The following MYH14 variants were observed in gnomAD, a reference collection of about 807,000 sequenced individuals.
The protein encoded by MYH14 is myosin-14.
A neutral mutation model predicts 255.5 loss-of-function variants in MYH14; 123 were observed. That is an observed-to-expected ratio of 0.48 (90% CI 0.42 to 0.56). The LOEUF is 0.56. Among genes scored for constraint, MYH14 ranks in the 20% least tolerant of loss-of-function variants. MYH14 has a pLI of 0.00. For synonymous variants in MYH14, 1,095 were observed against 1,161.2 expected (o/e 0.94, Z 1.16); for missense variants, 2,423 against 2,802.3 (o/e 0.86, Z 3.06).
intron 24 of MYH14, among the ~76,000 whole-genome samples, chr19:50,269,798 C>T (rs1345538226): frequency 6.6e-6 from 1 of 152,124 alleles, no homozygotes; most frequent in Non-Finnish European, 1.5e-5. Flanking sequence ...AGGCACTGTG[C>T]CTGGTCCCCA....
At chr19:50,272,790 G>T (rs2035360141) in intron 27 of MYH14, 59 bp downstream of exon 27, 9 of 1,516,760 alleles carry the variant, frequency 5.9e-6, no homozygotes, top group South Asian at 1.2e-5. Context: ...CAGCCAGCGT[G>T]GGGTGCCCAA....
At chr19:50,306,358 C>G (rs962940893) in intron 40 of MYH14, among the ~76,000 whole-genome samples, 3 of 152,182 alleles carry the variant, frequency 2.0e-5, no homozygotes, top group African/African-American at 7.2e-5. Context: ...CTGTGCCTTC[C>G]TCTCAGCACA....
At chr19:50,217,475 C>A in intron 2 of MYH14, 140 bp from the exon 3 acceptor site, 2 of 995,164 alleles carry the variant, frequency 2.0e-6, no homozygotes, top group Non-Finnish European at 3.2e-6. Flanking sequence ...AACAAACATT[C>A]AAATCTACAT....
At chr19:50,217,945 G>C (rs2032579039) in intron 3 of MYH14, among the ~76,000 whole-genome samples, 174 bp downstream of exon 3, 1 of 152,148 alleles carries the variant, frequency 6.6e-6, no homozygotes, top group Non-Finnish European at 1.5e-5. Context: ...GAGGTGCTAG[G>C]TCCTAGAGTC....
At chr19:50,247,649 T>G (rs1239428597) in intron 12 of MYH14, among the ~76,000 whole-genome samples, 1 of 151,994 alleles carries the variant, frequency 6.6e-6, no homozygotes, top group Non-Finnish European at 1.5e-5. Context: ...GTCAGGAAAG[T>G]CCTCTCTAAG....
intron 10 of MYH14, among the ~76,000 whole-genome samples, chr19:50,237,848 T>C (rs2033729402): frequency 6.6e-6 from 1 of 152,198 alleles, no homozygotes. Flanking sequence ...AGTCACCTTT[T>C]CACAGACTTT....
At chr19:50,245,126 T>C (rs1186939551) in intron 11 of MYH14, among the ~76,000 whole-genome samples, 1 of 151,364 alleles carries the variant, frequency 6.6e-6, no homozygotes, top group Non-Finnish European at 1.5e-5. Flanking sequence ...GACAGAAAAG[T>C]AGAAAGGAAG....
At position 50,278,154 on chromosome 19, in the gene MYH14, C is replaced by T; in HGVS notation, c.3897C>T (p.Ser1299=). ...AEVSELRAEL[S]SLQTARQEGE... Reference sequence around the variant, plus strand: ...TGTCCGAGCTGCGGGCAGAACTGAGCAGCCTGCAGACTGCACGTCAGGAGG... The same window carrying T: ...TGTCCGAGCTGCGGGCAGAACTGAGTAGCCTGCAGACTGCACGTCAGGAGG... Residue 1299 remains serine, a synonymous_variant, in exon 30 of 43, where the codon AGC becomes AGT. Transcript: ENST00000642316. The T allele has an allele frequency of 6.2e-7, 1 of 1,610,986 alleles. No homozygotes were observed.
rs779431768 is a variant in MYH14, at chr19:50,281,856, G to T, written c.4539+14G>T. 8.1e-6 allele frequency: 13 copies of T among 1,604,988 alleles called. No individual in the cohort carries two copies. The highest frequency in any genetic ancestry group is 1.1e-5 in the South Asian group (1 of 90,832). ...AAGTTTGACCAGGTGGGGCACCTCA[G>T]TTCACCCAGCCGGGGAATCAGCAAG... On this transcript the variant is annotated intron_variant, in intron 33 of 42. Coordinates refer to ENST00000642316, the MANE Select transcript of MYH14 (RefSeq NM_001145809.2).
At chr19:50,260,770 AGTGTGCGTGCAT>A (rs369184599) in intron 20 of MYH14, 55 bp downstream of exon 20, 54 of 1,253,552 alleles carry the variant, frequency 4.3e-5, no homozygotes, top group Admixed American at 6.0e-5. Flanking sequence ...TGCGTGCATG[AGTGTGCGTGCAT>A]GTGTGTGTGC....
At chr19:50,216,980 T>G (rs1414964355) in intron 2 of MYH14, among the ~76,000 whole-genome samples, 1 of 151,248 alleles carries the variant, frequency 6.6e-6, no homozygotes, top group Non-Finnish European at 1.5e-5. Flanking sequence ...GCTAATTTTT[T>G]TTGTACTTTT....
chr19:50,309,253 G>T, intron 42 of MYH14, 76 bp downstream of exon 42: 2 of 1,426,732 alleles, frequency 1.4e-6, no homozygotes, highest in Non-Finnish European at 2.0e-6. Context: ...GCGAGGCCGT[G>T]CCAGGGGCAA....
intron 27 of MYH14, 111 bp downstream of exon 27, chr19:50,272,842 C>A: frequency 9.4e-7 from 1 of 1,063,096 alleles, no homozygotes; most frequent in Non-Finnish European, 1.4e-6. Flanking sequence ...AGCCACTCAC[C>A]AGCCACAGAC....
intron 24 of MYH14, among the ~76,000 whole-genome samples, chr19:50,270,501 A>G (rs1408075828): frequency 6.7e-6 from 1 of 149,714 alleles, no homozygotes. Context: ...AGCCTGGGCA[A>G]CAAGAGCAAA....
chr19:50,252,694 A>G lies in MYH14; in HGVS notation c.1886A>G (p.Asn629Ser), dbSNP rs556139921. The G allele has an allele frequency of 3.1e-6, 5 of 1,601,868 alleles. No individual in the cohort carries two copies. The highest frequency in any genetic ancestry group is 2.7e-5 in the African/African-American group (2 of 74,724). The change falls in exon 16 of 43, where the codon AAC (asparagine) becomes AGC (serine). Residue 629 changes from asparagine (N) to serine (S), a missense_variant. Asn to Ser is a conservative substitution (Grantham distance 46). Around this residue, in one of 3 missense-constraint regions of MYH14, gnomAD observed 672 missense variants for 881.8 expected, o/e 0.76. Transcript: ENST00000642316. This position sits in a 1 kb window ranked among gnomAD's most constrained non-coding sequence, Gnocchi z 4.2. ...AAAAACATGGACCCTCTGAATGACAACGTCGCAGCCTTGCTCCACCAGAGC... is the reference window on the plus strand; with the variant it reads ...AAAAACATGGACCCTCTGAATGACAGCGTCGCAGCCTTGCTCCACCAGAGC... ...LMKNMDPLNDNVAALLHQSTD... is the reference protein window; with the variant it reads ...LMKNMDPLNDSVAALLHQSTD...
rs769481390 is a variant in MYH14 at position 50,292,349 on chromosome 19, G to T, written c.5216G>T (p.Arg1739Leu). The T allele has an allele frequency of 6.3e-7, 1 of 1,591,472 alleles. No individual in the cohort carries two copies. Among genetic ancestry groups the T allele is most frequent in the East Asian group, 2.3e-5 (1 of 43,818 alleles). The change falls in exon 37 of 43, where the codon CGC (arginine) becomes CTC (leucine). Residue 1739 changes from arginine to leucine, a missense_variant. Around this residue, in one of 3 missense-constraint regions of MYH14, gnomAD observed 1,513 missense variants for 1,674.8 expected, o/e 0.90. Transcript: ENST00000642316. ...IFSQNRESEK[R>L]LKGLEAEVLR... Reference sequence around the variant, plus strand: ...TCCCAGAATCGGGAAAGTGAAAAGCGCCTCAAGGGCCTGGAGGCTGAGGTG... The same window carrying T: ...TCCCAGAATCGGGAAAGTGAAAAGCTCCTCAAGGGCCTGGAGGCTGAGGTG...
rs770018682 is a variant in MYH14 at position 50,210,756 on chromosome 19, T to C, written c.391T>C (p.Ser131Pro). ...GCACAACCTCCGGGAGCGGTACTACTCCGGCCTCATCTACGTGAGTGGGCT... is the reference window on the plus strand; with the variant it reads ...GCACAACCTCCGGGAGCGGTACTACCCCGGCCTCATCTACGTGAGTGGGCT... ...VLHNLRERYY[S>P]GLIYTYSGLF... The change falls in exon 2 of 43, where the codon TCC (serine) becomes CCC (proline). Residue 131 changes from serine to proline, a missense_variant. Ser to Pro is a moderately conservative substitution (Grantham distance 74). Transcript: ENST00000642316. 1 of 1,574,202 alleles carries C rather than the reference T, an allele frequency of 6.4e-7. No individual in the cohort carries two copies. Among genetic ancestry groups the C allele is most frequent in the Non-Finnish European group, 8.6e-7 (1 of 1,161,184 alleles).
At chr19:50,261,104 ACCCTCCTCCACATCACC>A (rs2034839923) in intron 20 of MYH14, among the ~76,000 whole-genome samples, 1 of 45,234 alleles carries the variant, frequency 2.2e-5, no homozygotes, top group Non-Finnish European at 4.2e-5. Context: ...CTCCCCTATC[ACCCTCCTCCACATCACC>A]CCCTCCCCCA....
chr19:50,259,349 C>A, intron 19 of MYH14, 84 bp downstream of exon 19: 1 of 1,507,050 alleles, frequency 6.6e-7, no homozygotes. Context: ...ATTCAGGTCT[C>A]CACCCACTCT....
Sources: allele counts gnomAD v4.1 joint callset (sites outside exome capture counted in the v4.1 genomes callset), GRCh38; gene constraint gnomAD v4.1.1; regional missense constraint gnomAD v4.1.1; non-coding constraint Gnocchi (gnomAD v3.1); transcripts MANE v1.5; gene names NCBI Gene and HGNC (gene_info 2026-07-23, HGNC 2026-07-21).